Variants in OR5H1 observed in about 807,000 individuals in gnomAD.
OR5H1 encodes the protein olfactory receptor 5H1.
For synonymous variants in OR5H1, 124 were observed against 134.4 expected, an observed-to-expected ratio of 0.92 and a Z score of 0.54; for missense variants, 378 against 366.8, an observed-to-expected ratio of 1.03 and a Z score of -0.25.
rs1708295588 is a variant in OR5H1, at chr3:98,134,233, CTA to C, written c.*596_*597del. 6.5e-6 allele frequency: 1 copy of C among 152,808 alleles called. No homozygotes were observed. Among genetic ancestry groups the C allele is most frequent in the South Asian group, 2.1e-4 (1 of 4,858 alleles). The allele number at this position is 152,808 out of a possible 1,614,324, so 9.5% of individuals were successfully genotyped here. A position where few individuals can be genotyped will look rare whatever the true frequency, so the allele number is the denominator to read the frequency against. Reference sequence around the variant, plus strand: ...ATAGTGTAAGAGCATGCTCTTAACTCTATGTGCTCGTATGAGTAAGAAGAGGC... The same window carrying C: ...ATAGTGTAAGAGCATGCTCTTAACTCTGTGCTCGTATGAGTAAGAAGAGGC... On this transcript the variant is annotated 3_prime_UTR_variant, in exon 2 of 2. Coordinates refer to ENST00000641874, the MANE Select transcript of OR5H1 (RefSeq NM_001005338.2).
chr3:98,137,530 T>A lies in OR5H1; in HGVS notation c.*3891T>A, dbSNP rs997802995. The A allele has an allele frequency of 6.6e-6, 1 of 152,200 alleles. No individual in the cohort carries two copies. The highest frequency in any genetic ancestry group is 1.5e-5 in the Non-Finnish European group (1 of 68,032). The allele number at this position is 152,200 out of a possible 1,614,324, so 9.4% of individuals were successfully genotyped here. The stretch of plus-strand genomic sequence containing the variant: ...TTACAGATTGGCAAATCTACGAATA[T>A]ACAATTTCATAATTCCTAGAAGTAT... On this transcript the variant is annotated 3_prime_UTR_variant, in exon 2 of 2. Coordinates refer to ENST00000641874, the MANE Select transcript of OR5H1 (RefSeq NM_001005338.2).
chr3:98,135,641 T>C lies in OR5H1; in HGVS notation c.*2002T>C, dbSNP rs536071736. On this transcript the variant is annotated 3_prime_UTR_variant, in exon 2 of 2. Coordinates refer to ENST00000641874, the MANE Select transcript of OR5H1 (RefSeq NM_001005338.2). ...GCACAGTGTAGTGGCTACAAACTTG[T>C]ATTTAAAACTCTTGAGAGAATACAA... 41 of 152,288 alleles carry C rather than the reference T, an allele frequency of 2.7e-4. No individual in the cohort carries two copies. The highest frequency in any genetic ancestry group is 9.9e-4 in the African/African-American group (41 of 41,574). The allele number at this position is 152,288 out of a possible 1,614,324, so 9.4% of individuals were successfully genotyped here.
rs771934757 is a variant in OR5H1 at position 98,132,773 on chromosome 3, C to T, written c.76C>T (p.Pro26Ser). The T allele has an allele frequency of 6.2e-7, 1 of 1,613,324 alleles. No homozygotes were observed. Among genetic ancestry groups the T allele is most frequent in the African/African-American group, 1.3e-5 (1 of 74,854 alleles). Residue 26 changes from proline to serine, a missense_variant, in exon 2 of 2, where the codon CCC becomes TCC. By Grantham distance (74) the Pro-to-Ser change is moderately conservative. Transcript: ENST00000641874. ...GFLYQPQWKI[P>S]LFLAFLVIYL... The stretch of plus-strand genomic sequence containing the variant: ...TTTATATCAACCACAGTGGAAAATA[C>T]CCCTGTTCCTGGCATTCTTGGTAAT...
In OR5H1 at chr3:98,134,539, T is replaced by G. The variant is rs1207985725; in HGVS notation, c.*900T>G. On this transcript the variant is annotated 3_prime_UTR_variant, in exon 2 of 2. Transcript: ENST00000641874. The stretch of plus-strand genomic sequence containing the variant: ...CAAGAAGTTTTAAATGCCTGTCATG[T>G]AAGTTCAAATAATGTTAACATGATA... 6.6e-6 allele frequency: 1 copy of G among 152,094 alleles called. No homozygotes were observed. The highest frequency in any genetic ancestry group is 1.5e-5 in the Non-Finnish European group (1 of 67,978). The allele number at this position is 152,094 out of a possible 1,614,324, so 9.4% of individuals were successfully genotyped here. A position where few individuals can be genotyped will look rare whatever the true frequency, so the allele number is the denominator to read the frequency against.
rs896781133 is a variant in OR5H1 at position 98,136,838 on chromosome 3, T to G, written c.*3199T>G. 3 of 152,202 alleles carry G rather than the reference T, an allele frequency of 2.0e-5. No individual in the cohort carries two copies. Among genetic ancestry groups the G allele is most frequent in the Non-Finnish European group, 4.4e-5 (3 of 68,044 alleles). The allele number at this position is 152,202 out of a possible 1,614,324, so 9.4% of individuals were successfully genotyped here. On this transcript the variant is annotated 3_prime_UTR_variant, in exon 2 of 2. Coordinates refer to ENST00000641874, the MANE Select transcript of OR5H1 (RefSeq NM_001005338.2). ...ACTTCGCCTGCTGTCATGAGTGAAG[T>G]AGGCTGAAGCTGTCATCAGAAGTGG... is the stretch of plus-strand genomic sequence containing the variant.
In OR5H1 at chr3:98,134,819, C is replaced by T. The variant is rs1708300880; in HGVS notation, c.*1180C>T. On this transcript the variant is annotated 3_prime_UTR_variant, in exon 2 of 2. Coordinates refer to ENST00000641874, the MANE Select transcript of OR5H1 (RefSeq NM_001005338.2). Reference sequence around the variant, plus strand: ...ATGTAGTTTTGCAAACCTCTAGTTACTTATTTCCTCCATCCTTCTAACAGT... The same window carrying T: ...ATGTAGTTTTGCAAACCTCTAGTTATTTATTTCCTCCATCCTTCTAACAGT... 1.3e-5 allele frequency: 2 copies of T among 152,170 alleles called. No individual in the cohort carries two copies. Among genetic ancestry groups the T allele is most frequent in the South Asian group, 2.1e-4 (1 of 4,830 alleles). The allele number at this position is 152,170 out of a possible 1,614,324, so 9.4% of individuals were successfully genotyped here. A position where few individuals can be genotyped will look rare whatever the true frequency, so the allele number is the denominator to read the frequency against.
chr3:98,133,756 A>C lies in OR5H1; in HGVS notation c.*117A>C, dbSNP rs1708286856. 1.3e-6 allele frequency: 1 copy of C among 773,434 alleles called. No homozygotes were observed. The highest frequency in any genetic ancestry group is 2.4e-5 in the Admixed American group (1 of 40,888). The allele number at this position is 773,434 out of a possible 1,614,324, so 47.9% of individuals were successfully genotyped here. ...AACTGTTCTAGCACTTTAGTGAGCT[A>C]ATGTTTTAGTACCTAATAAACTAAT... is the stretch of plus-strand genomic sequence containing the variant. On this transcript the variant is annotated 3_prime_UTR_variant, in exon 2 of 2. Transcript: ENST00000641874.
rs752093170 is a variant in OR5H1, at chr3:98,133,215, T to C, written c.518T>C (p.Ile173Thr). ...AGACTAACCTTCTGTAACTCCAACATAGTACATCACATTTACTGTGACACT... is the reference window on the plus strand; with the variant it reads ...AGACTAACCTTCTGTAACTCCAACACAGTACATCACATTTACTGTGACACT... The part of the protein sequence containing the change: ...LFRLTFCNSN[I>T]VHHIYCDTIP... Residue 173 changes from isoleucine (I) to threonine (T), a missense_variant, in exon 2 of 2, where the codon ATA becomes ACA. Physicochemically the swap from Ile to Thr is moderately conservative, Grantham distance 89 (BLOSUM62 -1). Transcript: ENST00000641874. 4 of 1,612,856 alleles carry C rather than the reference T, an allele frequency of 2.5e-6. No individual in the cohort carries two copies. The South Asian group carries it at 3.3e-5, about 13-fold the overall frequency.
At chr3:98,132,552 GCTATAGGACTGATCA>G in intron 1 of OR5H1, 113 bp from the exon 2 acceptor site, 1 of 1,007,838 alleles carries the variant, frequency 9.9e-7, no homozygotes, top group Non-Finnish European at 1.4e-6. Context: ...AGATTCATCA[GCTATAGGACTGATCA>G]AAAAATTGAG....
chr3:98,138,084 G>C lies in OR5H1; in HGVS notation c.*4445G>C, dbSNP rs1042151155. 1.3e-5 allele frequency: 2 copies of C among 151,816 alleles called. No homozygotes were observed. Among genetic ancestry groups the C allele is most frequent in the Non-Finnish European group, 2.9e-5 (2 of 67,994 alleles). The allele number at this position is 151,816 out of a possible 1,614,324, so 9.4% of individuals were successfully genotyped here. A position where few individuals can be genotyped will look rare whatever the true frequency, so the allele number is the denominator to read the frequency against. On this transcript the variant is annotated 3_prime_UTR_variant, in exon 2 of 2. Transcript: ENST00000641874. ...GTGGCTTTAATCAGATGGGAGCATC[G>C]ATAGGCTAGCGTCTTAAAATCCGAG...
chr3:98,133,636 C>A lies in OR5H1; in HGVS notation c.939C>A (p.Tyr313Ter). 6.3e-7 allele frequency: 1 copy of A among 1,588,074 alleles called. No individual in the cohort carries two copies. Among genetic ancestry groups the A allele is most frequent in the Non-Finnish European group, 8.6e-7 (1 of 1,165,864 alleles). The change falls in exon 2 of 2, where the codon TAC becomes TAA. Residue 313 changes from tyrosine to a stop codon, truncating the protein, a stop_gained. Coordinates refer to ENST00000641874, the MANE Select transcript of OR5H1 (RefSeq NM_001005338.2). LOFTEE classifies it high-confidence loss of function. ...KMLKKHVKVS[Y>*] Reference sequence around the variant, plus strand: ...TAAAAAAACATGTTAAGGTTTCATACTAATATCCTTTCTCTAATTACAAAA... The same window carrying A: ...TAAAAAAACATGTTAAGGTTTCATAATAATATCCTTTCTCTAATTACAAAA...
chr3:98,133,665 G>A lies in OR5H1; in HGVS notation c.*26G>A, dbSNP rs1708286218. The A allele has an allele frequency of 6.4e-7, 1 of 1,554,642 alleles. No individual in the cohort carries two copies. The highest frequency in any genetic ancestry group is 1.2e-5 in the South Asian group (1 of 85,976). Reference sequence around the variant, plus strand: ...TATCCTTTCTCTAATTACAAAAATAGTCACAAAATTATGCAAGTTAGAGGT... The same window carrying A: ...TATCCTTTCTCTAATTACAAAAATAATCACAAAATTATGCAAGTTAGAGGT... On this transcript the variant is annotated 3_prime_UTR_variant, in exon 2 of 2. Transcript: ENST00000641874.
rs1459102122 is a variant in OR5H1 at position 98,133,764 on chromosome 3, A to G, written c.*125A>G. 1.4e-6 allele frequency: 1 copy of G among 727,082 alleles called. No individual in the cohort carries two copies. Among genetic ancestry groups the G allele is most frequent in the African/African-American group, 1.8e-5 (1 of 56,242 alleles). 45.0% of individuals were successfully genotyped at this position (727,082 alleles called of 1,614,324 possible). Reference sequence around the variant, plus strand: ...TAGCACTTTAGTGAGCTAATGTTTTAGTACCTAATAAACTAATCGCAATAT... The same window carrying G: ...TAGCACTTTAGTGAGCTAATGTTTTGGTACCTAATAAACTAATCGCAATAT... On this transcript the variant is annotated 3_prime_UTR_variant, in exon 2 of 2. Transcript: ENST00000641874.
rs1297559321 is a variant in OR5H1, at chr3:98,136,285, A to G, written c.*2646A>G. The stretch of plus-strand genomic sequence containing the variant: ...TAAGTGCAAGTTGGAATAGGAATTG[A>G]TCATCTCTTTTTAAGAAGGCCTCAT... On this transcript the variant is annotated 3_prime_UTR_variant, in exon 2 of 2. Transcript: ENST00000641874. The G allele has an allele frequency of 3.3e-5, 5 of 152,194 alleles. No individual in the cohort carries two copies. The highest frequency in any genetic ancestry group is 5.9e-5 in the Non-Finnish European group (4 of 68,036). The allele number at this position is 152,194 out of a possible 1,614,324, so 9.4% of individuals were successfully genotyped here. A position where few individuals can be genotyped will look rare whatever the true frequency, so the allele number is the denominator to read the frequency against.
In OR5H1 at chr3:98,137,379, T is replaced by A. The variant is rs992310924; in HGVS notation, c.*3740T>A. 1.3e-5 allele frequency: 2 copies of A among 152,222 alleles called. No homozygotes were observed. Among genetic ancestry groups the A allele is most frequent in the Admixed American group, 1.3e-4 (2 of 15,280 alleles). 9.4% of individuals were successfully genotyped at this position (152,222 alleles called of 1,614,324 possible). ...GTTGAGATTAGACAGATACTTTGCA[T>A]ACAGGGATGTTTCCTTTATGTTATT... On this transcript the variant is annotated 3_prime_UTR_variant, in exon 2 of 2. Coordinates refer to ENST00000641874, the MANE Select transcript of OR5H1 (RefSeq NM_001005338.2).
Position 98,133,930 on chromosome 3 carries a change from G to A in OR5H1, c.*291G>A, listed in dbSNP as rs1708288816. On this transcript the variant is annotated 3_prime_UTR_variant, in exon 2 of 2. Coordinates refer to ENST00000641874, the MANE Select transcript of OR5H1 (RefSeq NM_001005338.2). ...TATAAATGCATTAATTGCTAAAATAGCCTAGTTTATCATATAAGGACTTGA... is the reference window on the plus strand; with the variant it reads ...TATAAATGCATTAATTGCTAAAATAACCTAGTTTATCATATAAGGACTTGA... 7.0e-6 allele frequency: 2 copies of A among 286,630 alleles called. No individual in the cohort carries two copies. Among genetic ancestry groups the A allele is most frequent in the African/African-American group, 4.5e-5 (2 of 44,804 alleles). 17.8% of individuals were successfully genotyped at this position (286,630 alleles called of 1,614,324 possible).
rs1294564255 is a variant in OR5H1 at position 98,138,399 on chromosome 3, A to G, written c.*4760A>G. The G allele has an allele frequency of 2.0e-5, 3 of 152,186 alleles. No homozygotes were observed. The highest frequency in any genetic ancestry group is 4.4e-5 in the Non-Finnish European group (3 of 68,036). The allele number at this position is 152,186 out of a possible 1,614,324, so 9.4% of individuals were successfully genotyped here. A position where few individuals can be genotyped will look rare whatever the true frequency, so the allele number is the denominator to read the frequency against. On this transcript the variant is annotated 3_prime_UTR_variant, in exon 2 of 2. Coordinates refer to ENST00000641874, the MANE Select transcript of OR5H1 (RefSeq NM_001005338.2). ...GGGTCTGGTTCCTAGACGCCAGGCT[A>G]CCTGCCTTTAGTTTCACTTCTCTTT...
rs1708316553 is a variant in OR5H1, at chr3:98,136,245, AAGTG to A, written c.*2610_*2613del. 1.3e-5 allele frequency: 2 copies of A among 152,202 alleles called. No homozygotes were observed. Among genetic ancestry groups the A allele is most frequent in the African/African-American group, 4.8e-5 (2 of 41,460 alleles). 9.4% of individuals were successfully genotyped at this position (152,202 alleles called of 1,614,324 possible). ...ACTAGATCTACCCTCATTAAGCTTC[AAGTG>A]AGTATTTACATAAGTGCAAGTTGGA... is the stretch of plus-strand genomic sequence containing the variant. On this transcript the variant is annotated 3_prime_UTR_variant, in exon 2 of 2. Coordinates refer to ENST00000641874, the MANE Select transcript of OR5H1 (RefSeq NM_001005338.2).
intron 1 of OR5H1, among the ~76,000 whole-genome samples, chr3:98,132,355 G>T (rs760923016): frequency 8.6e-5 from 13 of 151,870 alleles, no homozygotes; most frequent in African/African-American, 2.9e-4. Flanking sequence ...AATTCAGACC[G>T]TACAAAAATC....
Sources: gnomAD v4.1 joint callset for allele counts (sites outside exome capture counted in the v4.1 genomes callset) on GRCh38, gnomAD v4.1.1 for gene constraint, MANE v1.5 for transcripts, NCBI Gene and HGNC (gene_info 2026-07-23, HGNC 2026-07-21) for gene names.